The following SP140 variants were observed in gnomAD, a reference collection of about 807,000 sequenced individuals.
SP140 encodes SP140 nuclear body protein.
Under a neutral mutation model 125.0 loss-of-function variants are expected in SP140, and 81 were observed. The ratio of observed to expected loss-of-function variants is 0.65; its 90% CI spans 0.54 to 0.78. SP140 has a LOEUF of 0.78. Among genes scored for constraint, SP140 ranks in the 30% least tolerant of loss-of-function variants. The pLI, the probability that SP140 is intolerant of heterozygous loss-of-function variation, is 0.00. For missense variants in SP140, 858 were observed against 1,037.0 expected (o/e 0.83, Z 2.37); for synonymous variants, 312 against 354.0 (o/e 0.88, Z 1.33).
chr2:230,256,671 TA>T (rs1199851004), intron 12 of SP140, among the ~76,000 whole-genome samples: 5 of 152,024 alleles, frequency 3.3e-5, no homozygotes, highest in Non-Finnish European at 5.9e-5. Context: ...TAAAGTATAA[TA>T]AAAAAAATTT....
the SP140 span, among the ~76,000 whole-genome samples, chr2:230,197,104 T>A: frequency 1.3e-5 from 2 of 152,348 alleles, no homozygotes; most frequent in Non-Finnish European, 1.5e-5. Context: ...CCCAGATCCC[T>A]GAGGAATCAC....
At chr2:230,284,278 G>T in intron 15 of SP140, 68 bp from the exon 16 acceptor site, 1 of 1,417,456 alleles carries the variant, frequency 7.1e-7, no homozygotes, top group Non-Finnish European at 9.6e-7. Flanking sequence ...TAATACTATT[G>T]GCATATAAAA....
At chr2:230,268,904 TA>T (rs1174555334) in intron 12 of SP140, among the ~76,000 whole-genome samples, 2 of 152,204 alleles carry the variant, frequency 1.3e-5, no homozygotes, top group Non-Finnish European at 2.9e-5. Flanking sequence ...CTACTACTCA[TA>T]ATCTGAAACT....
intron 13 of SP140, 79 bp downstream of exon 13, chr2:230,269,697 AG>A: frequency 9.1e-7 from 1 of 1,102,408 alleles, no homozygotes; most frequent in Non-Finnish European, 1.3e-6. Context: ...ATAGACTTAA[AG>A]GAAGAGTCAA....
intron 12 of SP140, among the ~76,000 whole-genome samples, chr2:230,268,524 TAAA>T (rs572801711): frequency 8.5e-6 from 1 of 118,302 alleles, no homozygotes. Flanking sequence ...AAACTCTGTC[TAAA>T]AAAAAAAAAA....
chr2:230,285,615 A>G, intron 16 of SP140, 137 bp from the exon 17 acceptor site: 2 of 710,680 alleles, frequency 2.8e-6, no homozygotes, highest in Admixed American at 2.4e-5. Context: ...GACACTCCCA[A>G]AAGCAAAAAA....
At chr2:230,315,908 T>G (rs1352413789), downstream of SP140, among the ~76,000 whole-genome samples, 1 of 152,210 alleles carries the variant, frequency 6.6e-6, no homozygotes, top group African/African-American at 2.4e-5. Flanking sequence ...TATGGTATCT[T>G]TATTATAATG....
intron 8 of SP140, 82 bp downstream of exon 8, chr2:230,248,147 T>C: frequency 3.0e-6 from 4 of 1,346,076 alleles, no homozygotes; most frequent in Non-Finnish European, 4.2e-6. Context: ...GTGGGCAAGG[T>C]TTCTGACAGT....
intron 19 of SP140, among the ~76,000 whole-genome samples, chr2:230,291,258 C>A (rs2149482600): frequency 6.6e-6 from 1 of 152,292 alleles, no homozygotes; most frequent in African/African-American, 2.4e-5. Context: ...TGCATTGTGA[C>A]TATTTCTAAA....
rs114554872 is a variant in SP140 at position 230,300,221 on chromosome 2, C to T, written c.2058+2759C>T. Among the ~76,000 whole-genome samples the T allele has an allele frequency of 7.8e-3, 1,181 of 152,286 alleles. 10 individuals carry two copies. The highest frequency in any genetic ancestry group is 0.027 in the African/African-American group (1,112 of 41,536). ...ACTCAAGTCATTACAGACACTCATA[C>T]GAGAACCACCTTGCTCCAGGAAGGA... On this transcript the variant is annotated intron_variant, in intron 22 of 26. Coordinates refer to ENST00000392045, the MANE Select transcript of SP140 (RefSeq NM_007237.5).
At chr2:230,221,281 GAAAA>G (rs113981247), upstream of SP140, among the ~76,000 whole-genome samples, 1 of 82,662 alleles carries the variant, frequency 1.2e-5, no homozygotes, top group African/African-American at 4.5e-5. Flanking sequence ...ACTCCATCTC[GAAAA>G]AAAAAAAAAA....
At chr2:230,279,118 G>A (rs2055153451) in intron 15 of SP140, among the ~76,000 whole-genome samples, 2 of 151,982 alleles carry the variant, frequency 1.3e-5, no homozygotes, top group Admixed American at 6.6e-5. Flanking sequence ...TTAACAAGAG[G>A]TGAAATATTT....
intron 1 of SP140, among the ~76,000 whole-genome samples, chr2:230,236,425 G>A (rs2048022275): frequency 6.6e-6 from 1 of 152,182 alleles, no homozygotes; most frequent in African/African-American, 2.4e-5. Context: ...CCAATAGGAT[G>A]TGTATATACA....
At chr2:230,255,161 G>A (rs2050962359) in intron 11 of SP140, among the ~76,000 whole-genome samples, 1 of 152,190 alleles carries the variant, frequency 6.6e-6, no homozygotes, top group African/African-American at 2.4e-5. Context: ...CAGCAGGAAA[G>A]CAGGGCAGAG....
At chr2:230,307,982 TATATATATACAC>T (rs545198550) in intron 22 of SP140, among the ~76,000 whole-genome samples, 75 of 93,602 alleles carry the variant, frequency 8.0e-4, no homozygotes, top group African/African-American at 1.4e-3. Context: ...TATATATATA[TATATATATACAC>T]ACACACACAC....
In SP140 at chr2:230,297,475, T is replaced by G; in HGVS notation, c.2058+13T>G. 6.2e-7 allele frequency: 1 copy of G among 1,613,638 alleles called. No individual in the cohort carries two copies. Among genetic ancestry groups the G allele is most frequent in the Non-Finnish European group, 8.5e-7 (1 of 1,179,542 alleles). On this transcript the variant is annotated intron_variant, in intron 22 of 26. Transcript: ENST00000392045. ...AGTTGACCCTTGTGTAAGTACAAAT[T>G]CTGAACTACGACCCCCAGAATATTC...
At chr2:230,263,021 C>T (rs2052526187) in intron 12 of SP140, among the ~76,000 whole-genome samples, 1 of 152,120 alleles carries the variant, frequency 6.6e-6, no homozygotes, top group Middle Eastern at 3.2e-3. Flanking sequence ...TGTTGACTTT[C>T]TTTCTTGATG....
chr2:230,263,363 G>A (rs566491801), intron 12 of SP140, among the ~76,000 whole-genome samples: 1 of 152,142 alleles, frequency 6.6e-6, no homozygotes, highest in South Asian at 2.1e-4. Context: ...TATGTGCTAG[G>A]TGAGTCTCCT....
chr2:230,194,561 G>A, the SP140 span, among the ~76,000 whole-genome samples: 2 of 152,180 alleles, frequency 1.3e-5, no homozygotes, highest in African/African-American at 4.8e-5. Flanking sequence ...GAAAAATGCA[G>A]CTTTTTTGTT....
Sources: gnomAD v4.1 joint callset for allele counts (sites outside exome capture counted in the v4.1 genomes callset) on GRCh38, gnomAD v4.1.1 for gene constraint, MANE v1.5 for transcripts, NCBI Gene and HGNC (gene_info 2026-07-23, HGNC 2026-07-21) for gene names.